Variants in LRRC4C observed in about 807,000 individuals in gnomAD.
The protein encoded by LRRC4C is leucine-rich repeat-containing protein 4C.
Under a neutral mutation model 33.6 loss-of-function variants are expected in LRRC4C, and 5 were observed. The ratio of observed to expected loss-of-function variants is 0.15; its 90% CI spans 0.08 to 0.31. LRRC4C has a LOEUF of 0.31. Ranked by LOEUF, LRRC4C falls within the 10% of genes least tolerant of loss-of-function variation. LRRC4C has a pLI of 1.00. For missense variants in LRRC4C, 560 were observed against 796.7 expected (o/e 0.70, Z 3.58); for synonymous variants, 329 against 302.0 (o/e 1.09, Z -0.93).
chr11:41,261,686 G>A (rs190027118), intron 1 of LRRC4C, among the ~76,000 whole-genome samples: 34 of 152,254 alleles, frequency 2.2e-4, no homozygotes, highest in Admixed American at 9.2e-4. Flanking sequence ...TCGAACTCTA[G>A]TGGGCAGAGA....
chr11:40,306,570 T>A (rs145520261), intron 4 of LRRC4C, among the ~76,000 whole-genome samples: 1 of 152,306 alleles, frequency 6.6e-6, no homozygotes, highest in East Asian at 1.9e-4. Flanking sequence ...TCCTGACCAC[T>A]CTTCCCATCA....
intron 1 of LRRC4C, among the ~76,000 whole-genome samples, chr11:41,004,338 A>T (rs1296604439): frequency 6.6e-6 from 1 of 152,152 alleles, no homozygotes; most frequent in Non-Finnish European, 1.5e-5. Flanking sequence ...TTTTGCTATA[A>T]CAAGACCATC....
At chr11:40,872,406 A>G (rs1205838935) in intron 2 of LRRC4C, among the ~76,000 whole-genome samples, 2 of 152,100 alleles carry the variant, frequency 1.3e-5, no homozygotes, top group South Asian at 2.1e-4. Context: ...GTCCATTTAT[A>G]AAGTCGAAGC....
At chr11:40,731,240 A>G (rs1947568405) in intron 2 of LRRC4C, among the ~76,000 whole-genome samples, 2 of 151,994 alleles carry the variant, frequency 1.3e-5, no homozygotes, top group African/African-American at 2.4e-5. Flanking sequence ...AATGGCGTGA[A>G]CCCGGGAGGC....
intron 1 of LRRC4C, among the ~76,000 whole-genome samples, chr11:41,238,730 C>T (rs1218871569): frequency 3.3e-5 from 5 of 152,172 alleles, no homozygotes; most frequent in South Asian, 2.1e-4. Flanking sequence ...CCTGGACCTT[C>T]CTCTCTACAT....
intron 2 of LRRC4C, among the ~76,000 whole-genome samples, chr11:40,876,025 A>G (rs755002901): frequency 2.6e-5 from 4 of 152,088 alleles, no homozygotes; most frequent in Non-Finnish European, 4.4e-5. Context: ...ATCCTGCTTT[A>G]TAAAGATAGA....
At chr11:40,203,347 T>A (rs1225876356) in intron 5 of LRRC4C, among the ~76,000 whole-genome samples, 1 of 152,134 alleles carries the variant, frequency 6.6e-6, no homozygotes, top group Non-Finnish European at 1.5e-5. Context: ...AAGAGCAGGG[T>A]AAATAAATGC....
chr11:40,333,923 AGG>A (rs776322812), intron 3 of LRRC4C, among the ~76,000 whole-genome samples: 7 of 151,970 alleles, frequency 4.6e-5, no homozygotes, highest in Non-Finnish European at 7.4e-5. Flanking sequence ...GAAGGAAAAA[AGG>A]AGGAAAGGAA....
At chr11:40,745,052 G>T (rs1487235296) in intron 2 of LRRC4C, among the ~76,000 whole-genome samples, 1 of 152,080 alleles carries the variant, frequency 6.6e-6, no homozygotes, top group Admixed American at 6.6e-5. Context: ...CTAAGCAAAT[G>T]GTAAAGTATT....
intron 1 of LRRC4C, among the ~76,000 whole-genome samples, chr11:41,151,977 G>A (rs1043925467): frequency 6.6e-6 from 1 of 152,108 alleles, no homozygotes; most frequent in Non-Finnish European, 1.5e-5. Context: ...GTACTGCAGA[G>A]GAGATAACTT....
intron 4 of LRRC4C, chr11:40,293,758 A>G (rs182733424): frequency 6.6e-6 from 1 of 152,120 alleles, no homozygotes; most frequent in Non-Finnish European, 1.5e-5. Flanking sequence ...TTGGAGCCAC[A>G]AGTTGGTTCC....
At chr11:40,949,936 G>C (rs557287828) in intron 1 of LRRC4C, among the ~76,000 whole-genome samples, 7 of 152,270 alleles carry the variant, frequency 4.6e-5, no homozygotes, top group Non-Finnish European at 7.4e-5. Context: ...TGGATAAAGA[G>C]TCAAGACCCA....
chr11:40,935,505 G>A (rs1292631983), intron 1 of LRRC4C, among the ~76,000 whole-genome samples: 2 of 152,010 alleles, frequency 1.3e-5, no homozygotes, highest in Non-Finnish European at 2.9e-5. Flanking sequence ...CTATGTTTAG[G>A]TATTTTTAGA....
intron 2 of LRRC4C, among the ~76,000 whole-genome samples, chr11:40,809,886 T>C (rs926795005): frequency 3.3e-5 from 5 of 152,172 alleles, no homozygotes; most frequent in South Asian, 4.1e-4. Flanking sequence ...CCAAGACTTA[T>C]ATGACTTTTA....
chr11:40,512,944 A>G (rs1215244989), intron 3 of LRRC4C, among the ~76,000 whole-genome samples: 3 of 152,082 alleles, frequency 2.0e-5, no homozygotes, highest in Non-Finnish European at 4.4e-5. Flanking sequence ...ACAAATATTT[A>G]TTTTTGAAAA....
intron 1 of LRRC4C, among the ~76,000 whole-genome samples, chr11:40,994,053 C>CT (rs10552924): frequency 0.11 from 15,341 of 144,610 alleles, 870 homozygotes; most frequent in African/African-American, 0.15. Context: ...TTGGAATGTA[C>CT]TTTTTTTTTT....
At chr11:41,319,001 G>A (rs1950876203) in intron 1 of LRRC4C, among the ~76,000 whole-genome samples, 1 of 152,180 alleles carries the variant, frequency 6.6e-6, no homozygotes, top group Non-Finnish European at 1.5e-5. Context: ...TTGAGAACAA[G>A]TTATCATACT....
chr11:40,334,166 T>G (rs1475273396), intron 3 of LRRC4C, among the ~76,000 whole-genome samples: 1 of 152,198 alleles, frequency 6.6e-6, no homozygotes, highest in Non-Finnish European at 1.5e-5. Flanking sequence ...GGGATCCTCT[T>G]ACATTTTATA....
At chr11:41,003,462 A>G (rs1854520497) in intron 1 of LRRC4C, among the ~76,000 whole-genome samples, 1 of 152,190 alleles carries the variant, frequency 6.6e-6, no homozygotes, top group Non-Finnish European at 1.5e-5. Context: ...CTACATTCAC[A>G]GATACCTTGG....
Sources: allele counts gnomAD v4.1 joint callset (sites outside exome capture counted in the v4.1 genomes callset), GRCh38; gene constraint gnomAD v4.1.1; transcripts MANE v1.5; gene names NCBI Gene and HGNC (gene_info 2026-07-23, HGNC 2026-07-21).